The following MASP1 variants were observed in gnomAD, a reference collection of about 807,000 sequenced individuals.
The protein encoded by MASP1 is MBL associated serine protease 1, also known as mannan-binding lectin serine protease 1.
MASP1 carries 59 observed loss-of-function variants against 77.1 expected under a neutral mutation model. The observed-to-expected ratio is 0.77, with a 90% confidence interval of 0.62 to 0.95. MASP1 has a LOEUF of 0.95. MASP1 is among the 40% of genes least tolerant of loss of function. The probability of loss-of-function intolerance (pLI) is 0.00; values close to 1 mark genes in which losing one functional copy is unlikely to be tolerated. For synonymous variants in MASP1, 362 were observed against 354.5 expected (o/e 1.02, Z -0.24); for missense variants, 885 against 912.9 (o/e 0.97, Z 0.39).
chr3:187,256,810 G>T lies in MASP1; in HGVS notation c.598C>A (p.Pro200Thr). Residue 200 changes from proline (P) to threonine (T), a missense_variant, in exon 5 of 11, where the codon CCT (proline) becomes ACT (threonine). Physicochemically the swap from Pro to Thr is conservative, Grantham distance 38. Transcript: ENST00000296280. ...TTGGGGTAAGGGTTTGGGAAGTCAG[G>T]GCTGGTGATCACCCCAGTCCTTTGA... ...FTQRTGVITSPDFPNPYPKSS... is the reference protein window; with the variant it reads ...FTQRTGVITSTDFPNPYPKSS... 1 of 1,613,952 alleles carries T rather than the reference G, an allele frequency of 6.2e-7. No individual in the cohort carries two copies. Among genetic ancestry groups the T allele is most frequent in the Non-Finnish European group, 8.5e-7 (1 of 1,180,002 alleles).
intron 6 of MASP1, 55 bp downstream of exon 6, chr3:187,253,113 C>T: frequency 6.2e-7 from 1 of 1,610,242 alleles, no homozygotes; most frequent in South Asian, 1.1e-5. Context: ...TCAGCCACTG[C>T]CTCTGCAAGG....
chr3:187,265,131 A>G (rs1715910742), intron 2 of MASP1, among the ~76,000 whole-genome samples: 2 of 152,184 alleles, frequency 1.3e-5, no homozygotes, highest in Non-Finnish European at 2.9e-5. Flanking sequence ...TATATAAACC[A>G]ACCAGAAGAT....
Position 187,256,782 on chromosome 3 carries a change from C to T in MASP1, c.626G>A (p.Ser209Asn), listed in dbSNP as rs1270921298. The T allele has an allele frequency of 2.5e-6, 4 of 1,613,960 alleles. No individual in the cohort carries two copies. In the Admixed American group the frequency reaches 5.0e-5, roughly 20 times the overall value. Residue 209 changes from serine (S) to asparagine (N), a missense_variant, in exon 5 of 11, where the codon AGC becomes AAC. By Grantham distance (46) the Ser-to-Asn change is conservative. Coordinates refer to ENST00000296280, the MANE Select transcript of MASP1 (RefSeq NM_139125.4). ...CTCGATGGTATACAGGCATTCAGAGCTCTTGGGGTAAGGGTTTGGGAAGTC... is the reference window on the plus strand; with the variant it reads ...CTCGATGGTATACAGGCATTCAGAGTTCTTGGGGTAAGGGTTTGGGAAGTC... The part of the protein sequence containing the change: ...SPDFPNPYPK[S>N]SECLYTIELE...
chr3:187,256,591 C>G, intron 5 of MASP1, 73 bp downstream of exon 5: 1 of 1,423,436 alleles, frequency 7.0e-7, no homozygotes, highest in Non-Finnish European at 9.9e-7. Flanking sequence ...GGTGAAGGTT[C>G]CGCAATATCA....
chr3:187,286,056 C>T lies in MASP1; in HGVS notation c.6G>A (p.Arg2=). The T allele has an allele frequency of 6.2e-7, 1 of 1,612,480 alleles. No individual in the cohort carries two copies. Among genetic ancestry groups the T allele is most frequent in the South Asian group, 1.1e-5 (1 of 91,052 alleles). ...ACAGAGCATAATAGAGAAGCAGCCA[C>T]CTGAAAGACATGAATGTAGGTCTAC... M[R]WLLLYYALCF... Residue 2 remains arginine (R), a splice_region_variant and synonymous_variant, in exon 2 of 11, where the codon AGG becomes AGA. Transcript: ENST00000296280.
chr3:187,222,796 G>A (rs939966438), intron 14 of MASP1, among the ~76,000 whole-genome samples: 2 of 151,892 alleles, frequency 1.3e-5, no homozygotes, highest in Non-Finnish European at 2.9e-5. Flanking sequence ...CCAATTTGGT[G>A]TACAGTTCTC....
At chr3:187,232,091 C>G (rs1341585504), downstream of MASP1, among the ~76,000 whole-genome samples, 2 of 152,176 alleles carry the variant, frequency 1.3e-5, no homozygotes, top group Non-Finnish European at 2.9e-5. Flanking sequence ...CTTGATTCCT[C>G]TCTTAGGGAA....
chr3:187,288,533 A>G (rs1166337066), intron 1 of MASP1, among the ~76,000 whole-genome samples: 1 of 152,254 alleles, frequency 6.6e-6, no homozygotes, highest in Non-Finnish European at 1.5e-5. Flanking sequence ...GACTTCCCAC[A>G]GCACTGCTAT....
chr3:187,234,711 C>A lies in MASP1; in HGVS notation c.*973G>T. On this transcript the variant is annotated 3_prime_UTR_variant, in exon 11 of 11. Coordinates refer to ENST00000296280, the MANE Select transcript of MASP1 (RefSeq NM_139125.4). ...GGTGACTTCTAATGTGCCCACCCCA[C>A]TCTTTCTTCCATTTTCCTGCCCAAA... 2.3e-6 allele frequency: 3 copies of A among 1,287,288 alleles called. No individual in the cohort carries two copies. The highest frequency in any genetic ancestry group is 3.0e-6 in the Non-Finnish European group (3 of 988,702). The allele number at this position is 1,287,288 out of a possible 1,614,324, so 79.7% of individuals were successfully genotyped here.
At chr3:187,226,337 G>T in intron 12 of MASP1, 1 of 1,170,656 alleles carries the variant, frequency 8.5e-7, no homozygotes, top group Non-Finnish European at 1.3e-6. Context: ...ACACGCCTTG[G>T]AAAGGGCCAG....
exon 16 of MASP1, chr3:187,219,678 C>T (rs3774264): frequency 0.047 from 12,791 of 272,676 alleles, 656 homozygotes; most frequent in East Asian, 0.21. Flanking sequence ...TGCTAAGGTG[C>T]ATTTATTGAA....
chr3:187,286,583 CT>C (rs1717874679), intron 1 of MASP1, among the ~76,000 whole-genome samples: 1 of 152,188 alleles, frequency 6.6e-6, no homozygotes, highest in South Asian at 2.1e-4. Context: ...TTTTCTTCCT[CT>C]TGGTAAAAGG....
Position 187,248,517 on chromosome 3 carries a change from C to A in MASP1, c.1090+1734G>T, listed in dbSNP as rs78007705. Among the ~76,000 whole-genome samples the A allele has an allele frequency of 1.6e-3, 239 of 152,298 alleles. 2 individuals carry two copies. The highest frequency in any genetic ancestry group is 5.7e-3 in the African/African-American group (235 of 41,556). On this transcript the variant is annotated intron_variant, in intron 8 of 10. Transcript: ENST00000296280. ...TATCTAGAACTTCCTAATTCCAAAG[C>A]CTGATTCTATCCAGGACACCCCATA...
intron 2 of MASP1, among the ~76,000 whole-genome samples, chr3:187,271,540 AT>A (rs1364297578): frequency 1.3e-5 from 2 of 152,244 alleles, no homozygotes; most frequent in Non-Finnish European, 2.9e-5. Flanking sequence ...AGCAGAAAAA[AT>A]AGTATATATG....
At chr3:187,282,265 G>A (rs765959206) in intron 2 of MASP1, among the ~76,000 whole-genome samples, 4 of 152,068 alleles carry the variant, frequency 2.6e-5, no homozygotes, top group African/African-American at 7.2e-5. Flanking sequence ...TTGGGAGGCC[G>A]AGGTGGGAGG....
At chr3:187,251,453 T>C in intron 7 of MASP1, 181 bp downstream of exon 7, 1 of 608,714 alleles carries the variant, frequency 1.6e-6, no homozygotes, top group Non-Finnish European at 2.9e-6. Flanking sequence ...ACTTTCAGAG[T>C]GTGAGACCGC....
chr3:187,252,062 C>A (rs550690484), intron 6 of MASP1, among the ~76,000 whole-genome samples: 1 of 152,252 alleles, frequency 6.6e-6, no homozygotes, highest in African/African-American at 2.4e-5. Flanking sequence ...TTAAAATATC[C>A]TCCGCAGTAG....
chr3:187,241,765 C>A (rs968190816), intron 9 of MASP1: 2 of 504,214 alleles, frequency 4.0e-6, no homozygotes, highest in East Asian at 7.3e-5. Context: ...ATACAATCCT[C>A]CAAAGGGACC....
intron 4 of MASP1, 29 bp from the exon 5 acceptor site, chr3:187,256,889 G>C (rs371843583): frequency 6.3e-7 from 1 of 1,597,214 alleles, no homozygotes; most frequent in Non-Finnish European, 8.6e-7. Flanking sequence ...AGAAAATGGC[G>C]CATCGCAACC....
Sources: allele counts gnomAD v4.1 joint callset (sites outside exome capture counted in the v4.1 genomes callset), GRCh38; gene constraint gnomAD v4.1.1; transcripts MANE v1.5; gene names NCBI Gene and HGNC (gene_info 2026-07-23, HGNC 2026-07-21).